The following LRRC4C variants were observed in gnomAD, a reference collection of about 807,000 sequenced individuals.
LRRC4C encodes leucine rich repeat containing 4C.
Under a neutral mutation model 33.6 loss-of-function variants are expected in LRRC4C, and 5 were observed. The observed-to-expected ratio is 0.15, with a 90% CI of 0.08 to 0.31. The LOEUF is 0.31. LRRC4C is among the 10% of genes least tolerant of loss of function. LRRC4C has a pLI of 1.00. For missense variants in LRRC4C, 560 were observed against 796.7 expected (o/e 0.70, Z 3.58); for synonymous variants, 329 against 302.0 (o/e 1.09, Z -0.93).
chr11:40,906,372 A>T (rs763278182), intron 2 of LRRC4C, among the ~76,000 whole-genome samples: 1 of 152,036 alleles, frequency 6.6e-6, no homozygotes, highest in Non-Finnish European at 1.5e-5. Context: ...TTAGTTGGGC[A>T]TGGTGCCATG....
intron 4 of LRRC4C, among the ~76,000 whole-genome samples, chr11:40,316,510 TATTAGTATAAATTCAGATAGG>T (rs914585205): frequency 2.6e-5 from 4 of 151,950 alleles, no homozygotes; most frequent in Non-Finnish European, 5.9e-5. Context: ...GGCCAAATCC[TATTAGTATAAATTCAGATAGG>T]ACAAAAAATC....
chr11:40,287,976 A>G (rs1943957066), intron 4 of LRRC4C, among the ~76,000 whole-genome samples: 1 of 152,188 alleles, frequency 6.6e-6, no homozygotes, highest in Non-Finnish European at 1.5e-5. Flanking sequence ...AACAGAGTCC[A>G]TATCTGTTTT....
chr11:40,270,112 G>A (rs1458274859), intron 4 of LRRC4C, among the ~76,000 whole-genome samples: 2 of 152,156 alleles, frequency 1.3e-5, no homozygotes, highest in Non-Finnish European at 2.9e-5. Context: ...GATAAGGGGA[G>A]AATGTATTCC....
intron 5 of LRRC4C, among the ~76,000 whole-genome samples, chr11:40,211,997 G>C (rs1211932955): frequency 6.6e-6 from 1 of 152,090 alleles, no homozygotes; most frequent in Non-Finnish European, 1.5e-5. Flanking sequence ...TTCTCCATGG[G>C]ACAGAATAAA....
chr11:41,199,178 CAA>C (rs1278651020), intron 1 of LRRC4C, among the ~76,000 whole-genome samples: 1 of 151,956 alleles, frequency 6.6e-6, no homozygotes, highest in East Asian at 1.9e-4. Flanking sequence ...TAGTAATTTC[CAA>C]AACAGTAGTT....
chr11:41,084,100 A>C (rs1939779923), intron 1 of LRRC4C, among the ~76,000 whole-genome samples: 1 of 152,174 alleles, frequency 6.6e-6, no homozygotes, highest in Non-Finnish European at 1.5e-5. Flanking sequence ...GACTTCTTGG[A>C]TTGCTAGGAA....
chr11:40,663,004 G>A lies in LRRC4C; in HGVS notation c.-406-14726C>T, dbSNP rs142075952. On this transcript the variant is annotated intron_variant, in intron 2 of 6. Coordinates refer to ENST00000528697, the MANE Select transcript of LRRC4C (RefSeq NM_001258419.2). ...TTCATAAGTTAAATTATATCTCCTAGAAATAGAAAATCAATAGGGCTTCTG... is the reference window on the plus strand; with the variant it reads ...TTCATAAGTTAAATTATATCTCCTAAAAATAGAAAATCAATAGGGCTTCTG... 4.8e-3 allele frequency among the ~76,000 whole-genome samples: 734 copies of A among 152,284 alleles called. 2 individuals are homozygous for A. Among genetic ancestry groups the A allele is most frequent in the African/African-American group, 0.017 (687 of 41,548 alleles).
chr11:40,234,182 GT>G (rs533196959), intron 5 of LRRC4C, among the ~76,000 whole-genome samples: 2 of 152,026 alleles, frequency 1.3e-5, no homozygotes, highest in Admixed American at 6.6e-5. Flanking sequence ...TTTAACCAAA[GT>G]TTTTTTTGTC....
intron 2 of LRRC4C, among the ~76,000 whole-genome samples, chr11:40,754,603 G>T (rs1948854559): frequency 6.6e-6 from 1 of 152,056 alleles, no homozygotes; most frequent in South Asian, 2.1e-4. Context: ...GAAAGCCAGA[G>T]ACCAGGGCTT....
chr11:40,869,683 C>CCACT (rs544542852), intron 2 of LRRC4C, among the ~76,000 whole-genome samples: 212 of 152,212 alleles, frequency 1.4e-3, no homozygotes, highest in South Asian at 0.011. Flanking sequence ...CACTAGCAGG[C>CCACT]CACTGCACAT....
intron 5 of LRRC4C, among the ~76,000 whole-genome samples, chr11:40,151,588 G>A (rs547256960): frequency 6.6e-6 from 1 of 152,252 alleles, no homozygotes; most frequent in East Asian, 1.9e-4. Flanking sequence ...GCCTTAAATT[G>A]TTCTGAAGTA....
At chr11:40,327,742 T>C (rs188417985) in intron 3 of LRRC4C, among the ~76,000 whole-genome samples, 7 of 152,022 alleles carry the variant, frequency 4.6e-5, no homozygotes, top group African/African-American at 1.4e-4. Flanking sequence ...TTTTAGTCTA[T>C]TAAACTCCAA....
At chr11:41,182,468 G>T (rs187964115) in intron 1 of LRRC4C, among the ~76,000 whole-genome samples, 40 of 152,174 alleles carry the variant, frequency 2.6e-4, no homozygotes, top group Non-Finnish European at 5.6e-4. Flanking sequence ...TAGGTTCAAG[G>T]TCTGACTCTG....
chr11:40,414,347 TTC>T (rs1316488806), intron 3 of LRRC4C, among the ~76,000 whole-genome samples: 107 of 152,182 alleles, frequency 7.0e-4, no homozygotes, highest in East Asian at 1.9e-4. Flanking sequence ...ATCTCAGTGG[TTC>T]TGTTTATTTG....
At chr11:41,079,542 T>C (rs1939408594) in intron 1 of LRRC4C, among the ~76,000 whole-genome samples, 1 of 152,122 alleles carries the variant, frequency 6.6e-6, no homozygotes, top group African/African-American at 2.4e-5. Flanking sequence ...AAAAGATGTA[T>C]TGCAATATCT....
At chr11:40,222,225 T>A (rs1006439164) in intron 5 of LRRC4C, among the ~76,000 whole-genome samples, 3 of 152,152 alleles carry the variant, frequency 2.0e-5, no homozygotes, top group African/African-American at 7.2e-5. Flanking sequence ...AATTTCAGTA[T>A]CCTTCCTTTT....
intron 3 of LRRC4C, among the ~76,000 whole-genome samples, chr11:40,622,864 T>C (rs1450136789): frequency 1.3e-5 from 2 of 151,906 alleles, no homozygotes; most frequent in East Asian, 3.9e-4. Flanking sequence ...TGACTATTTT[T>C]AGCAATTATT....
At chr11:40,274,480 TGAA>T (rs1942954589) in intron 4 of LRRC4C, among the ~76,000 whole-genome samples, 1 of 135,038 alleles carries the variant, frequency 7.4e-6, no homozygotes, top group Non-Finnish European at 1.6e-5. Flanking sequence ...AACCACAATA[TGAA>T]GAAGGACTTG....
intron 5 of LRRC4C, among the ~76,000 whole-genome samples, chr11:40,191,356 C>T (rs1328443750): frequency 6.6e-6 from 1 of 152,190 alleles, no homozygotes; most frequent in Non-Finnish European, 1.5e-5. Context: ...CTTCTCCAGT[C>T]CACACTCTAA....
Sources: allele counts gnomAD v4.1 joint callset (sites outside exome capture counted in the v4.1 genomes callset), GRCh38; gene constraint gnomAD v4.1.1; transcripts MANE v1.5; gene names NCBI Gene and HGNC (gene_info 2026-07-23, HGNC 2026-07-21).